The following NEK5 variants were observed in gnomAD, a reference collection of about 807,000 sequenced individuals.
The protein encoded by NEK5 is NIMA related kinase 5.
A neutral mutation model predicts 109.2 loss-of-function variants in NEK5; 88 were observed. The observed-to-expected ratio is 0.81, with a 90% CI of 0.68 to 0.96. The LOEUF (loss-of-function observed/expected upper bound fraction) is 0.96, where lower values mean the gene tolerates loss of function less well. Among genes scored for constraint, NEK5 ranks in the 40% least tolerant of loss-of-function variants. NEK5 has a pLI of 0.00. For synonymous variants in NEK5, 283 were observed against 299.9 expected (o/e 0.94, Z 0.58); for missense variants, 834 against 920.7 (o/e 0.91, Z 1.22).
intron 12 of NEK5, 72 bp from the exon 13 acceptor site, chr13:52,093,307 C>G (rs1955335508): frequency 5.2e-6 from 6 of 1,146,478 alleles, no homozygotes; most frequent in Non-Finnish European, 7.6e-6. Flanking sequence ...CACCTGTAAC[C>G]CTAGCACTTT....
At chr13:52,100,497 G>A (rs1007282305) in intron 11 of NEK5, among the ~76,000 whole-genome samples, 5 of 152,162 alleles carry the variant, frequency 3.3e-5, no homozygotes, top group Admixed American at 6.5e-5. Flanking sequence ...CCTGGCCTCC[G>A]GTGACCTGCC....
chr13:52,108,446 T>C (rs553660602), intron 7 of NEK5, 42 bp from the exon 8 acceptor site: 1 of 1,290,176 alleles, frequency 7.8e-7, no homozygotes, highest in South Asian at 1.3e-5. Context: ...TGATTTTTTA[T>C]TGGAGTAAGA....
At chr13:52,114,723 G>C (rs1411439420) in intron 4 of NEK5, among the ~76,000 whole-genome samples, 1 of 152,198 alleles carries the variant, frequency 6.6e-6, no homozygotes, top group Non-Finnish European at 1.5e-5. Flanking sequence ...GATCTAGGAA[G>C]GGTTCTGAGA....
chr13:52,079,881 T>G (rs1264158609), intron 17 of NEK5, among the ~76,000 whole-genome samples: 1 of 148,960 alleles, frequency 6.7e-6, no homozygotes, highest in Non-Finnish European at 1.5e-5. Flanking sequence ...CCGCCCATCG[T>G]CTGAGATGTG....
chr13:52,066,577 G>A lies in NEK5; in HGVS notation c.1850-968C>T, dbSNP rs568161877. 8.5e-5 allele frequency among the ~76,000 whole-genome samples: 13 copies of A among 152,048 alleles called. No individual in the cohort carries two copies. The South Asian group carries it at 1.2e-3, about 15-fold the overall frequency. On this transcript the variant is annotated intron_variant, in intron 20 of 23. Transcript: ENST00000684899. The stretch of plus-strand genomic sequence containing the variant: ...TCTCAGCACTTTGGGAGGCCGAGGC[G>A]GGCGGATCACAAGGTCAAGAGATCG...
rs967355243 is a variant in NEK5, at chr13:52,035,999, A to G, written c.*949T>C. The G allele has an allele frequency of 3.3e-5, 5 of 152,078 alleles. No individual in the cohort carries two copies. Among genetic ancestry groups the G allele is most frequent in the Non-Finnish European group, 7.4e-5 (5 of 68,022 alleles). 9.4% of individuals were successfully genotyped at this position (152,078 alleles called of 1,614,324 possible). A position where few individuals can be genotyped will look rare whatever the true frequency, so the allele number is the denominator to read the frequency against. On this transcript the variant is annotated 3_prime_UTR_variant, in exon 24 of 24. Transcript: ENST00000684899. ...AATTATCACAAACTTAGTTAACACA[A>G]ATTTATTATCTTAACAGTTCTGCAA...
rs1954342297 is a variant in NEK5 at position 52,034,692 on chromosome 13, A to C, written c.*2256T>G. The C allele has an allele frequency of 1.8e-5, 2 of 112,874 alleles. No individual in the cohort carries two copies. The highest frequency in any genetic ancestry group is 2.8e-5 in the African/African-American group (1 of 35,360). The allele number at this position is 112,874 out of a possible 1,614,324, so 7.0% of individuals were successfully genotyped here. A position where few individuals can be genotyped will look rare whatever the true frequency, so the allele number is the denominator to read the frequency against. Reference sequence around the variant, plus strand: ...GAGGTGCACACCAACACACCAGCTAATTCTTTTTTTTTTTTTTTTTTTTCT... The same window carrying C: ...GAGGTGCACACCAACACACCAGCTACTTCTTTTTTTTTTTTTTTTTTTTCT... On this transcript the variant is annotated 3_prime_UTR_variant, in exon 24 of 24. Transcript: ENST00000684899.
intron 13 of NEK5, among the ~76,000 whole-genome samples, chr13:52,090,278 T>C (rs1955251603): frequency 6.6e-6 from 1 of 152,236 alleles, no homozygotes; most frequent in African/African-American, 2.4e-5. Flanking sequence ...AAAAACCGCA[T>C]TTCAGACCAT....
intron 23 of NEK5, among the ~76,000 whole-genome samples, chr13:52,041,525 C>T (rs1298137204): frequency 4.6e-5 from 7 of 151,566 alleles, no homozygotes; most frequent in South Asian, 2.1e-4. Flanking sequence ...GTCAGGAGTT[C>T]GAGACCAGCC....
intron 5 of NEK5, among the ~76,000 whole-genome samples, 195 bp downstream of exon 5, chr13:52,112,073 A>G (rs1955769086): frequency 6.6e-6 from 1 of 152,176 alleles, no homozygotes; most frequent in South Asian, 2.1e-4. Flanking sequence ...CTAAAAAACA[A>G]TTCAGTTTAA....
At position 52,036,583 on chromosome 13, in the gene NEK5, C is replaced by T. The variant is rs1954363491; in HGVS notation, c.*365G>A. 6.6e-6 allele frequency: 1 copy of T among 152,184 alleles called. No individual in the cohort carries two copies. Among genetic ancestry groups the T allele is most frequent in the Admixed American group, 6.5e-5 (1 of 15,270 alleles). 9.4% of individuals were successfully genotyped at this position (152,184 alleles called of 1,614,324 possible). A position where few individuals can be genotyped will look rare whatever the true frequency, so the allele number is the denominator to read the frequency against. ...TCCTGGGTTCAGGTGATTCTCCTGC[C>T]TCAGCCTCCCAAGTAACTGGGATTA... On this transcript the variant is annotated 3_prime_UTR_variant, in exon 24 of 24. Transcript: ENST00000684899.
In NEK5 at chr13:52,108,321, T is replaced by G. The variant is rs756136255; in HGVS notation, c.551A>C (p.Lys184Thr). ...AAACTAAGAGTCAGCAACTTACGTT[T>G]TATTGTTGTAGGGTTTATTCTGACA... ...EICQNKPYNNKTDIWSLGCVL... is the reference protein window; with the variant it reads ...EICQNKPYNNTTDIWSLGCVL... Residue 184 changes from lysine to threonine, a missense_variant, in exon 8 of 24, where the codon AAA becomes ACA. Physicochemically the swap from Lys to Thr is moderately conservative, Grantham distance 78. Transcript: ENST00000684899. The G allele has an allele frequency of 6.3e-7, 1 of 1,598,032 alleles. No homozygotes were observed. The highest frequency in any genetic ancestry group is 1.7e-5 in the Admixed American group (1 of 59,408).
chr13:52,102,135 C>T lies in NEK5; in HGVS notation c.767G>A (p.Arg256Lys). The T allele has an allele frequency of 6.2e-7, 1 of 1,614,008 alleles. No individual in the cohort carries two copies. The highest frequency in any genetic ancestry group is 8.5e-7 in the Non-Finnish European group (1 of 1,179,950). ...GGGAATAAGATTCTCTAAAAAGGGC[C>T]TTTTCAAAATGGAATTTATGGATGG... Reference protein sequence around the residue: ...DRPSINSILKRPFLENLIPKY... With the variant: ...DRPSINSILKKPFLENLIPKY... Residue 256 changes from arginine to lysine, a missense_variant, in exon 10 of 24, where the codon AGG becomes AAG. Physicochemically the swap from Arg to Lys is conservative, Grantham distance 26. Transcript: ENST00000684899.
Position 52,036,574 on chromosome 13 carries a change from T to G in NEK5, c.*374A>C, listed in dbSNP as rs1172816264. ...ACTTCCATCTCCTGGGTTCAGGTGA[T>G]TCTCCTGCCTCAGCCTCCCAAGTAA... On this transcript the variant is annotated 3_prime_UTR_variant, in exon 24 of 24. Coordinates refer to ENST00000684899, the MANE Select transcript of NEK5 (RefSeq NM_001365552.1). The G allele has an allele frequency of 3.3e-5, 5 of 152,356 alleles. No homozygotes were observed. The highest frequency in any genetic ancestry group is 1.2e-4 in the African/African-American group (5 of 41,560). 9.4% of individuals were successfully genotyped at this position (152,356 alleles called of 1,614,324 possible).
chr13:52,118,754 G>A (rs866320413), intron 4 of NEK5, among the ~76,000 whole-genome samples: 3 of 152,092 alleles, frequency 2.0e-5, no homozygotes, highest in Non-Finnish European at 4.4e-5. Flanking sequence ...CTCTGTAAGA[G>A]GATTACACAG....
At chr13:52,041,196 AAATTGGACCATGAACT>A (rs1376251014) in intron 23 of NEK5, among the ~76,000 whole-genome samples, 13 of 152,202 alleles carry the variant, frequency 8.5e-5, no homozygotes, top group Non-Finnish European at 1.8e-4. Context: ...TAAAAGAAAA[AAATTGGACCATGAACT>A]AACTCCAGAT....
At chr13:52,060,475 C>T (rs2408549) in intron 22 of NEK5, among the ~76,000 whole-genome samples, 63,012 of 151,938 alleles carry the variant, frequency 0.41, 15,004 homozygotes, top group Non-Finnish European at 0.54. Context: ...CTGCCTCAAC[C>T]TCCCAAGTAG....
rs777408243 is a variant in NEK5 at position 52,104,493 on chromosome 13, C to T, written c.609+5G>A. On this transcript the variant is annotated splice_donor_5th_base_variant and intron_variant, in intron 9 of 23. Coordinates refer to ENST00000684899, the MANE Select transcript of NEK5 (RefSeq NM_001365552.1). ...CAAGATTAGTCTGACAATGAGCATA[C>T]TTACAGGATGTTTAAGTGTGCAGAG... The T allele has an allele frequency of 6.3e-7, 1 of 1,584,284 alleles. No individual in the cohort carries two copies. Among genetic ancestry groups the T allele is most frequent in the South Asian group, 1.1e-5 (1 of 90,458 alleles).
At chr13:52,080,038 A>G (rs185183779) in intron 17 of NEK5, among the ~76,000 whole-genome samples, 95 of 133,230 alleles carry the variant, frequency 7.1e-4, no homozygotes, top group East Asian at 1.2e-3. Flanking sequence ...CGCCCCGTCT[A>G]AGAAGTGAGG....
Sources: gnomAD v4.1 joint callset for allele counts (sites outside exome capture counted in the v4.1 genomes callset) on GRCh38, gnomAD v4.1.1 for gene constraint, MANE v1.5 for transcripts, NCBI Gene and HGNC (gene_info 2026-07-23, HGNC 2026-07-21) for gene names.